CHRM3: variants seen among roughly 807,000 people sequenced by gnomAD.
CHRM3 encodes the protein cholinergic receptor muscarinic 3, also known as muscarinic acetylcholine receptor M3.
A neutral mutation model predicts 41.8 loss-of-function variants in CHRM3; 11 were observed. The observed-to-expected ratio is 0.26, with a 90% confidence interval of 0.17 to 0.44. The LOEUF (loss-of-function observed/expected upper bound fraction) is 0.44, where lower values mean the gene tolerates loss of function less well. Among genes scored for constraint, CHRM3 ranks in the 20% least tolerant of loss-of-function variants. The probability of loss-of-function intolerance (pLI) is 1.00; values close to 1 mark genes in which losing one functional copy is unlikely to be tolerated. For missense variants in CHRM3, 571 were observed against 745.4 expected (o/e 0.77, Z 2.72); for synonymous variants, 297 against 301.4 (o/e 0.99, Z 0.15).
At chr1:239,552,291 CAT>C (rs1306097802) in intron 3 of CHRM3, among the ~76,000 whole-genome samples, 4 of 140,808 alleles carry the variant, frequency 2.8e-5, no homozygotes, top group Non-Finnish European at 1.5e-5. Flanking sequence ...TGATATGTAT[CAT>C]ATTTTATATA....
At position 239,531,820 on chromosome 1, in the gene CHRM3, C is replaced by T. The variant is rs377626258; in HGVS notation, c.-421-13821C>T. 7.1e-4 allele frequency among the ~76,000 whole-genome samples: 106 copies of T among 149,526 alleles called. No individual in the cohort carries two copies. The East Asian group carries it at 0.018, about 26-fold the overall frequency. Reference sequence around the variant, plus strand: ...GACCACAGGCACCCGCCACCACACCCGGCTAATTTTTTGTATTTTTAATAG... The same window carrying T: ...GACCACAGGCACCCGCCACCACACCTGGCTAATTTTTTGTATTTTTAATAG... On this transcript the variant is annotated intron_variant, in intron 2 of 6. Transcript: ENST00000676153.
chr1:239,580,559 C>T (rs1435876481), intron 3 of CHRM3, among the ~76,000 whole-genome samples: 1 of 151,578 alleles, frequency 6.6e-6, no homozygotes, highest in Non-Finnish European at 1.5e-5. Context: ...TTGTGGTCCT[C>T]TAGGATTTAC....
chr1:239,484,797 A>G (rs1274142135), intron 1 of CHRM3, among the ~76,000 whole-genome samples: 1 of 152,200 alleles, frequency 6.6e-6, no homozygotes, highest in East Asian at 1.9e-4. Flanking sequence ...TGTCAGAGCC[A>G]GTGGCACAGA....
At chr1:239,447,181 T>A (rs1664211284) in intron 1 of CHRM3, among the ~76,000 whole-genome samples, 1 of 152,150 alleles carries the variant, frequency 6.6e-6, no homozygotes, top group African/African-American at 2.4e-5. Context: ...TTCATCTTGG[T>A]TTTTTTCACA....
intron 5 of CHRM3, among the ~76,000 whole-genome samples, chr1:239,737,332 A>C (rs1444692128): frequency 6.6e-6 from 1 of 152,198 alleles, no homozygotes; most frequent in African/African-American, 2.4e-5. Flanking sequence ...TTTCCAGAGA[A>C]AATCTGAGCA....
intron 5 of CHRM3, among the ~76,000 whole-genome samples, chr1:239,701,825 G>A (rs920061553): frequency 7.9e-5 from 12 of 152,024 alleles, no homozygotes; most frequent in South Asian, 6.2e-4. Flanking sequence ...CCCATTCCTC[G>A]CTCATGCTAT....
At chr1:239,511,288 T>C (rs1426655116) in intron 2 of CHRM3, among the ~76,000 whole-genome samples, 1 of 152,250 alleles carries the variant, frequency 6.6e-6, no homozygotes, top group East Asian at 1.9e-4. Flanking sequence ...ATAAGTCATC[T>C]GTAGCTATGC....
At chr1:239,513,017 A>G (rs952077781) in intron 2 of CHRM3, among the ~76,000 whole-genome samples, 1 of 152,168 alleles carries the variant, frequency 6.6e-6, no homozygotes, top group Non-Finnish European at 1.5e-5. Flanking sequence ...TTTCCTCAGC[A>G]TTGATAGATG....
At chr1:239,544,588 T>C (rs913811370) in intron 2 of CHRM3, among the ~76,000 whole-genome samples, 5 of 152,212 alleles carry the variant, frequency 3.3e-5, no homozygotes, top group Non-Finnish European at 7.3e-5. Context: ...AATTAAAGGA[T>C]TGACAAAACA....
intron 3 of CHRM3, among the ~76,000 whole-genome samples, chr1:239,591,832 T>C (rs904776498): frequency 6.6e-6 from 1 of 152,182 alleles, no homozygotes; most frequent in East Asian, 1.9e-4. Flanking sequence ...TGCAAAGTGA[T>C]AGCATTTTGT....
chr1:239,906,987 G>A (rs756888248), intron 6 of CHRM3, among the ~76,000 whole-genome samples: 14 of 152,122 alleles, frequency 9.2e-5, no homozygotes, highest in Non-Finnish European at 1.3e-4. Flanking sequence ...TTAAAGTTGC[G>A]TATTTCTGAA....
chr1:239,561,691 TA>T, intron 3 of CHRM3, among the ~76,000 whole-genome samples: 1 of 152,112 alleles, frequency 6.6e-6, no homozygotes, highest in South Asian at 2.1e-4. Flanking sequence ...TATTAATAGA[TA>T]ATATTACTGA....
At chr1:239,598,915 C>T (rs911276113) in intron 3 of CHRM3, among the ~76,000 whole-genome samples, 2 of 151,616 alleles carry the variant, frequency 1.3e-5, no homozygotes, top group Admixed American at 6.6e-5. Context: ...TGGACGCTTC[C>T]CACTCAGCCC....
intron 1 of CHRM3, among the ~76,000 whole-genome samples, chr1:239,396,669 T>C (rs560859301): frequency 6.6e-6 from 1 of 152,256 alleles, no homozygotes; most frequent in East Asian, 1.9e-4. Flanking sequence ...GTAATATATG[T>C]CATACAAAAA....
chr1:239,594,448 G>A (rs1664558020), intron 3 of CHRM3, among the ~76,000 whole-genome samples: 1 of 152,144 alleles, frequency 6.6e-6, no homozygotes, highest in African/African-American at 2.4e-5. Flanking sequence ...ATGTAGCTGT[G>A]GTATTGTTGC....
intron 1 of CHRM3, among the ~76,000 whole-genome samples, chr1:239,476,103 A>G (rs890623497): frequency 1.3e-5 from 2 of 152,066 alleles, no homozygotes; most frequent in African/African-American, 4.8e-5. Context: ...CTAATAAACT[A>G]TCAGTGGAAA....
intron 5 of CHRM3, among the ~76,000 whole-genome samples, chr1:239,713,319 C>T (rs911713940): frequency 6.6e-6 from 1 of 152,116 alleles, no homozygotes; most frequent in African/African-American, 2.4e-5. Context: ...ATGGATGACA[C>T]TATTTGCTCT....
chr1:239,680,467 G>A (rs1441950221), intron 5 of CHRM3, among the ~76,000 whole-genome samples: 1 of 152,086 alleles, frequency 6.6e-6, no homozygotes, highest in Non-Finnish European at 1.5e-5. Context: ...TAATTCACAA[G>A]TATAGAAATG....
chr1:239,432,703 T>C (rs1320706313), intron 1 of CHRM3, among the ~76,000 whole-genome samples: 2 of 152,218 alleles, frequency 1.3e-5, no homozygotes, highest in Non-Finnish European at 2.9e-5. Flanking sequence ...TATCATTTAG[T>C]AAACTAATTT....
Sources: allele counts gnomAD v4.1 joint callset (sites outside exome capture counted in the v4.1 genomes callset), GRCh38; gene constraint gnomAD v4.1.1; transcripts MANE v1.5; gene names NCBI Gene and HGNC (gene_info 2026-07-23, HGNC 2026-07-21).